The following ANKDD1A variants were observed in gnomAD, a reference collection of about 807,000 sequenced individuals.
The protein encoded by ANKDD1A is ankyrin repeat and death domain-containing protein 1A.
Under a neutral mutation model 63.5 loss-of-function variants are expected in ANKDD1A, and 59 were observed. That is an observed-to-expected ratio of 0.93 (90% CI 0.75 to 1.15). The LOEUF (loss-of-function observed/expected upper bound fraction) is 1.15, where lower values mean the gene tolerates loss of function less well. Ranked by LOEUF, ANKDD1A falls within the 50% of genes most tolerant of loss-of-function variation. The pLI, the probability that ANKDD1A is intolerant of heterozygous loss-of-function variation, is 0.00. For missense variants in ANKDD1A, 632 were observed against 656.4 expected, an observed-to-expected ratio of 0.96 and a Z score of 0.41; for synonymous variants, 266 against 263.9, an observed-to-expected ratio of 1.01 and a Z score of -0.08.
chr15:64,953,703 TTC>T (rs2085356283), intron 14 of ANKDD1A, among the ~76,000 whole-genome samples: 1 of 29,280 alleles, frequency 3.4e-5, no homozygotes, highest in African/African-American at 7.2e-5. Context: ...TTCTTCTTTC[TTC>T]TTCTCCTTGT....
At chr15:64,951,720 C>CGTTCTTCCTTTTCTTTTTCTTT (rs1276132353) in intron 14 of ANKDD1A, among the ~76,000 whole-genome samples, 20 of 136,354 alleles carry the variant, frequency 1.5e-4, no homozygotes, top group East Asian at 8.6e-4. Context: ...TCTTTTTCTT[C>CGTTCTTCCTTTTCTTTTTCTTT]CCTTTTCTTC....
intron 14 of ANKDD1A, among the ~76,000 whole-genome samples, chr15:64,952,765 CCTT>C (rs1397469181): frequency 8.7e-5 from 10 of 114,982 alleles, no homozygotes; most frequent in South Asian, 2.8e-4. Flanking sequence ...TCCTCCTCCT[CCTT>C]TCTTTTCTTC....
chr15:64,917,496 C>T lies in ANKDD1A; in HGVS notation c.249C>T (p.Leu83=). ...ACGAGGAGGATGCGGTAGGGGCCCT[C>T]ACAGAGGCACGTCTGTGTGTACGTG... ...AVDEEDAVGA[L]TEARLCFGMN... The change falls in exon 3 of 15, where the codon CTC becomes CTT. Residue 83 remains leucine, a synonymous_variant. Transcript: ENST00000319580. 1.3e-6 allele frequency: 2 copies of T among 1,580,880 alleles called. No homozygotes were observed. The highest frequency in any genetic ancestry group is 1.7e-6 in the Non-Finnish European group (2 of 1,164,052).
chr15:64,933,763 A>C (rs1289647627), intron 8 of ANKDD1A, among the ~76,000 whole-genome samples: 1 of 146,414 alleles, frequency 6.8e-6, no homozygotes, highest in Non-Finnish European at 1.5e-5. Context: ...AATTACTTCA[A>C]CCTGGGAGGT....
At position 64,945,776 on chromosome 15, in the gene ANKDD1A, G is replaced by A. The variant is rs180781678; in HGVS notation, c.1161+1029G>A. Among the ~76,000 whole-genome samples the A allele has an allele frequency of 4.8e-3, 726 of 151,284 alleles. 4 individuals carry two copies. Among genetic ancestry groups the A allele is most frequent in the African/African-American group, 0.017 (713 of 41,174 alleles). ...GCCTCCCAAGTAGCTGGGACTACAG[G>A]TGTGTGCCACCATGCCCAGCTAATT... is the stretch of plus-strand genomic sequence containing the variant. On this transcript the variant is annotated intron_variant, in intron 12 of 14. Transcript: ENST00000319580.
chr15:64,920,296 G>A (rs879683180), intron 3 of ANKDD1A, among the ~76,000 whole-genome samples: 1 of 152,136 alleles, frequency 6.6e-6, no homozygotes, highest in Middle Eastern at 3.2e-3. Flanking sequence ...AGGGACTCTG[G>A]GGACCCTGGA....
rs149400321 is a variant in ANKDD1A, at chr15:64,953,628, T to TTTAGTTCTTCTTCTTCCTTCTTTC, written c.1484-3474_1484-3473insTAGTTCTTCTTCTTCCTTCTTTCT. 5.3e-4 allele frequency among the ~76,000 whole-genome samples: 67 copies of TTTAGTTCTTCTTCTTCCTTCTTTC among 125,754 alleles called. 1 individual carries two copies. The highest frequency in any genetic ancestry group is 1.8e-3 in the African/African-American group (62 of 34,734). 82.5% of individuals were successfully genotyped at this position (125,754 alleles called of 152,430 possible). ...CTTTCTTCTCTCCTTCTTCTTCTTC[T>TTTAGTTCTTCTTCTTCCTTCTTTC]TCCTTCTTCTTCCTCTTCCTTCTCC... On this transcript the variant is annotated intron_variant, in intron 14 of 14. Transcript: ENST00000319580.
intron 2 of ANKDD1A, among the ~76,000 whole-genome samples, chr15:64,917,077 G>T (rs2084972982): frequency 6.6e-6 from 1 of 152,226 alleles, no homozygotes; most frequent in Non-Finnish European, 1.5e-5. Context: ...AGAAGCAGTG[G>T]TGGGCAGTGC....
rs1555366741 is a variant in ANKDD1A, at chr15:64,953,956, TTTC to T, written c.1484-3144_1484-3142del. On this transcript the variant is annotated intron_variant, in intron 14 of 14. Coordinates refer to ENST00000319580, the MANE Select transcript of ANKDD1A (RefSeq NM_182703.6). The stretch of plus-strand genomic sequence containing the variant: ...TTCTTTTCTTCCTCTTCTTCTATTG[TTTC>T]TTTTTTTCTTCTTTCTTCCTCTATC... Among the ~76,000 whole-genome samples, 11 of 4,066 alleles carry T rather than the reference TTTC, an allele frequency of 2.7e-3. 1 individual carries two copies. In the East Asian group the frequency reaches 0.33, roughly 123 times the overall value. The allele number at this position is 4,066 out of a possible 152,430, so 2.7% of individuals were successfully genotyped here.
intron 3 of ANKDD1A, among the ~76,000 whole-genome samples, chr15:64,920,167 C>G (rs1265516136): frequency 6.6e-6 from 1 of 152,174 alleles, no homozygotes; most frequent in Non-Finnish European, 1.5e-5. Context: ...CAGGATCTGG[C>G]TGGCTCTTGA....
At chr15:64,943,397 T>A in intron 10 of ANKDD1A, 87 bp from the exon 11 acceptor site, 1 of 1,077,306 alleles carries the variant, frequency 9.3e-7, no homozygotes. Context: ...AGAAGAAATA[T>A]ACTAGGATCA....
chr15:64,943,229 C>A, intron 10 of ANKDD1A: 2 of 401,762 alleles, frequency 5.0e-6, no homozygotes, highest in South Asian at 5.0e-5. Flanking sequence ...CAAAAATAGG[C>A]TAGTATGGAG....
In ANKDD1A at chr15:64,947,463, AAC is replaced by A. The variant is rs1179402443; in HGVS notation, c.1225_1226del (p.Gln409AlafsTer18). 21 of 1,613,996 alleles carry A rather than the reference AAC, an allele frequency of 1.3e-5. No homozygotes were observed. The highest frequency in any genetic ancestry group is 2.7e-5 in the African/African-American group (2 of 74,916). ...CCTTTAAGCAGGACCATCGGCAGGAAACACAGCAGCTCCGTTCTGTGCTGTGG... is the reference window on the plus strand; with the variant it reads ...CCTTTAAGCAGGACCATCGGCAGGAAACAGCAGCTCCGTTCTGTGCTGTGG... ...LSFKQDHRQE[T>X]QQLRSVLWRL... On this transcript the variant is annotated frameshift_variant, in exon 13 of 15. Coordinates refer to ENST00000319580, the MANE Select transcript of ANKDD1A (RefSeq NM_182703.6). LOFTEE classifies it high-confidence loss of function.
chr15:64,954,927 T>C (rs979381498), intron 14 of ANKDD1A, among the ~76,000 whole-genome samples: 10 of 26,800 alleles, frequency 3.7e-4, no homozygotes, highest in Non-Finnish European at 1.3e-3. Flanking sequence ...CTCTCCTTCT[T>C]CTCCTTCTTC....
At chr15:64,953,610 C>CTT (rs1254763297) in intron 14 of ANKDD1A, among the ~76,000 whole-genome samples, 2 of 4,928 alleles carry the variant, frequency 4.1e-4, no homozygotes, top group Non-Finnish European at 1.9e-3. Context: ...CTTCTTTCTT[C>CTT]TCTCCTTCTT....
intron 1 of ANKDD1A, among the ~76,000 whole-genome samples, chr15:64,915,184 A>T (rs1199255393): frequency 6.6e-6 from 1 of 152,194 alleles, no homozygotes; most frequent in African/African-American, 2.4e-5. Flanking sequence ...ACACACTTGT[A>T]ATCCCAGCTA....
At position 64,915,844 on chromosome 15, in the gene ANKDD1A, G is replaced by A; in HGVS notation, c.82G>A (p.Val28Ile). Reference sequence around the variant, plus strand: ...CCACGAGGCCGCCCGCCAGAACAATGTCGGCAGGATGCAGGAGCTGATTGG... The same window carrying A: ...CCACGAGGCCGCCCGCCAGAACAATATCGGCAGGATGCAGGAGCTGATTGG... ...QLHEAARQNNVGRMQELIGRR... is the reference protein window; with the variant it reads ...QLHEAARQNNIGRMQELIGRR... The change falls in exon 2 of 15, where the codon GTC becomes ATC. Residue 28 changes from valine (V) to isoleucine (I), a missense_variant. By Grantham distance (29) the Val-to-Ile change is conservative. Coordinates refer to ENST00000319580, the MANE Select transcript of ANKDD1A (RefSeq NM_182703.6). The A allele has an allele frequency of 1.2e-6, 2 of 1,614,126 alleles. No individual in the cohort carries two copies. Among genetic ancestry groups the A allele is most frequent in the African/African-American group, 1.3e-5 (1 of 75,054 alleles).
intron 13 of ANKDD1A, among the ~76,000 whole-genome samples, chr15:64,947,896 A>G (rs528359897): frequency 7.4e-4 from 112 of 152,364 alleles, no homozygotes; most frequent in African/African-American, 2.7e-3. Context: ...TGTTGTCACT[A>G]TTATTCAACA....
chr15:64,932,457 C>T (rs192337076), intron 8 of ANKDD1A: 78 of 152,320 alleles, frequency 5.1e-4, no homozygotes, highest in Admixed American at 4.2e-3. Context: ...CCTCTTCTCT[C>T]TCTCCCCGTT....
Sources: allele counts gnomAD v4.1 joint callset (sites outside exome capture counted in the v4.1 genomes callset), GRCh38; gene constraint gnomAD v4.1.1; transcripts MANE v1.5; gene names NCBI Gene and HGNC (gene_info 2026-07-23, HGNC 2026-07-21).